CA10: variants seen among roughly 807,000 people sequenced by gnomAD.
CA10 encodes the protein carbonic anhydrase-related protein 10.
A neutral mutation model predicts 44.2 loss-of-function variants in CA10; 14 were observed. The observed-to-expected ratio is 0.32, with a 90% CI of 0.21 to 0.50. The LOEUF is 0.50. CA10 is among the 20% of genes least tolerant of loss of function. CA10 has a pLI of 0.99. For missense variants in CA10, 350 were observed against 409.7 expected, an observed-to-expected ratio of 0.85 and a Z score of 1.26; for synonymous variants, 159 against 141.6, an observed-to-expected ratio of 1.12 and a Z score of -0.87.
At chr17:52,003,695 G>A (rs1220852750) in intron 2 of CA10, among the ~76,000 whole-genome samples, 1 of 151,842 alleles carries the variant, frequency 6.6e-6, no homozygotes. Flanking sequence ...TGCAACTCAG[G>A]TAGGAAACAA....
At chr17:52,065,667 A>C (rs2215407) in intron 2 of CA10, among the ~76,000 whole-genome samples, 1 of 152,300 alleles carries the variant, frequency 6.6e-6, no homozygotes, top group Admixed American at 6.5e-5. Context: ...AGTTCCTTTC[A>C]GGTAAAATCC....
At chr17:51,852,891 G>A (rs898571757) in intron 3 of CA10, among the ~76,000 whole-genome samples, 1 of 152,104 alleles carries the variant, frequency 6.6e-6, no homozygotes, top group Admixed American at 6.6e-5. Flanking sequence ...CCTACATCAT[G>A]CTACTTACAT....
chr17:52,157,531 C>T (rs201781247), intron 1 of CA10, among the ~76,000 whole-genome samples, 195 bp downstream of exon 1: 1 of 145,994 alleles, frequency 6.8e-6, no homozygotes, highest in African/African-American at 2.6e-5. Flanking sequence ...TCCTAACCAC[C>T]CCCCCCCGCA....
In CA10 at chr17:51,647,285, G is replaced by A. The variant is rs556789168; in HGVS notation, c.634+1897C>T. ...AGGCCATCACCAATGCTTATTGGGC[G>A]TGCCTCGTCTTAGGCACTGAGACGA... On this transcript the variant is annotated intron_variant, in intron 6 of 8. Coordinates refer to ENST00000451037, the MANE Select transcript of CA10 (RefSeq NM_020178.5). Among the ~76,000 whole-genome samples the A allele has an allele frequency of 1.7e-4, 26 of 152,248 alleles. No homozygotes were observed. The South Asian group carries it at 1.9e-3, about 11-fold the overall frequency.
In CA10 at chr17:51,831,842, A is replaced by T. The variant is rs531978830; in HGVS notation, c.280-84024T>A. Among the ~76,000 whole-genome samples the T allele has an allele frequency of 5.4e-4, 82 of 152,262 alleles. 3 individuals carry two copies. The South Asian group carries it at 0.016, about 30-fold the overall frequency. On this transcript the variant is annotated intron_variant, in intron 3 of 8. Coordinates refer to ENST00000451037, the MANE Select transcript of CA10 (RefSeq NM_020178.5). ...AGAATGTGATAGTCATGGTTAGCTT[A>T]GACCAACCATGCTTTATTACAGGGG...
At position 52,043,841 on chromosome 17, in the gene CA10, T is replaced by C. The variant is rs1414571008; in HGVS notation, c.136+28478A>G. Among the ~76,000 whole-genome samples the C allele has an allele frequency of 2.0e-5, 3 of 152,180 alleles. No homozygotes were observed. The South Asian group carries it at 6.2e-4, about 32-fold the overall frequency. ...ATATTTTTCATAATCCATTCTGTTATGTGGTACATCATGTTTACTGACTTC... is the reference window on the plus strand; with the variant it reads ...ATATTTTTCATAATCCATTCTGTTACGTGGTACATCATGTTTACTGACTTC... On this transcript the variant is annotated intron_variant, in intron 2 of 8. Transcript: ENST00000451037.
chr17:51,840,854 T>C (rs964155862), intron 3 of CA10, among the ~76,000 whole-genome samples: 7 of 152,086 alleles, frequency 4.6e-5, no homozygotes, highest in Admixed American at 1.3e-4. Context: ...CAGACCAGCA[T>C]TGAAACCAAA....
intron 1 of CA10, among the ~76,000 whole-genome samples, chr17:52,128,761 A>T (rs1394121770): frequency 6.6e-6 from 1 of 152,152 alleles, no homozygotes; most frequent in Non-Finnish European, 1.5e-5. Flanking sequence ...TTCTTCTAGC[A>T]TTTAACCCCA....
intron 3 of CA10, among the ~76,000 whole-genome samples, chr17:51,860,242 G>A (rs922777355): frequency 6.6e-6 from 1 of 152,128 alleles, no homozygotes; most frequent in Non-Finnish European, 1.5e-5. Context: ...AGGATCCAGT[G>A]CTGACCCCAT....
At chr17:51,726,866 G>A (rs1309429249) in intron 4 of CA10, among the ~76,000 whole-genome samples, 10 of 152,230 alleles carry the variant, frequency 6.6e-5, no homozygotes, top group Non-Finnish European at 8.8e-5. Context: ...AAGAGGCTCA[G>A]AAAGGGGAAA....
At chr17:52,107,954 G>A (rs1355130365) in intron 1 of CA10, among the ~76,000 whole-genome samples, 1 of 151,870 alleles carries the variant, frequency 6.6e-6, no homozygotes, top group African/African-American at 2.4e-5. Flanking sequence ...ATACAACAAT[G>A]TAAAATTGAT....
At chr17:52,145,470 T>A (rs2143395350) in intron 1 of CA10, among the ~76,000 whole-genome samples, 1 of 152,272 alleles carries the variant, frequency 6.6e-6, no homozygotes, top group South Asian at 2.1e-4. Flanking sequence ...AAACTAACAC[T>A]AAACACAACA....
chr17:51,689,463 A>C (rs1411498373), intron 4 of CA10, among the ~76,000 whole-genome samples: 1 of 152,220 alleles, frequency 6.6e-6, no homozygotes, highest in Non-Finnish European at 1.5e-5. Context: ...ATGGAATATC[A>C]TTTGTCATAA....
chr17:51,735,829 G>GT (rs1916884317), intron 4 of CA10, among the ~76,000 whole-genome samples: 1 of 86,204 alleles, frequency 1.2e-5, no homozygotes, highest in Non-Finnish European at 2.6e-5. Context: ...AAAAAACAAA[G>GT]TAAAAAAAAA....
At chr17:51,854,529 T>C (rs969358550) in intron 3 of CA10, among the ~76,000 whole-genome samples, 1 of 152,094 alleles carries the variant, frequency 6.6e-6, no homozygotes, top group African/African-American at 2.4e-5. Flanking sequence ...TCTGGGAACT[T>C]GGATGAAGAG....
At chr17:51,713,046 G>A (rs560274626) in intron 4 of CA10, among the ~76,000 whole-genome samples, 89 of 152,296 alleles carry the variant, frequency 5.8e-4, no homozygotes, top group African/African-American at 2.1e-3. Context: ...AGAGCAGAAG[G>A]CCATCACAGA....
chr17:52,116,090 CA>C (rs71149393), intron 1 of CA10, among the ~76,000 whole-genome samples: 88,662 of 136,620 alleles, frequency 0.65, 28,989 homozygotes, highest in African/African-American at 0.87. Flanking sequence ...GACTCTGTCT[CA>C]AAAAAAAAAA....
chr17:51,913,365 T>A (rs1598114393), intron 3 of CA10, among the ~76,000 whole-genome samples: 1 of 152,024 alleles, frequency 6.6e-6, no homozygotes, highest in East Asian at 1.9e-4. Flanking sequence ...AGGAGAGACA[T>A]CTTTGTGTTG....
chr17:51,777,099 A>G (rs1022388731), intron 3 of CA10, among the ~76,000 whole-genome samples: 4 of 152,260 alleles, frequency 2.6e-5, no homozygotes, highest in African/African-American at 9.6e-5. Flanking sequence ...AGAGGAAAAA[A>G]GAGAGAGAAA....
Sources: gnomAD v4.1 joint callset for allele counts (sites outside exome capture counted in the v4.1 genomes callset) on GRCh38, gnomAD v4.1.1 for gene constraint, MANE v1.5 for transcripts, NCBI Gene and HGNC (gene_info 2026-07-23, HGNC 2026-07-21) for gene names.